CCDC9: variants seen among roughly 807,000 people sequenced by gnomAD.
The protein encoded by CCDC9 is coiled-coil domain containing 9, also known as coiled-coil domain-containing protein 9.
In CCDC9, 52 loss-of-function variants were observed where a neutral mutation model predicts 65.6. The ratio of observed to expected loss-of-function variants is 0.79; its 90% CI spans 0.63 to 1.00. The LOEUF (loss-of-function observed/expected upper bound fraction) is 1.00. Among genes scored for constraint, CCDC9 ranks in the 50% least tolerant of loss-of-function variants. The pLI, the probability that CCDC9 is intolerant of heterozygous loss-of-function variation, is 0.00. For synonymous variants in CCDC9, 332 were observed against 280.3 expected (o/e 1.18, Z -1.84); for missense variants, 834 against 757.2 (o/e 1.10, Z -1.19).
chr19:47,258,646 C>T lies in CCDC9; in HGVS notation c.91C>T (p.Leu31Phe). ...IEALRRKNEA[L>F]IRRYQEIEED... is the part of the protein sequence containing the mutation. ...GGCTCTTCGGCGGAAGAATGAGGCC[C>T]TCATCCGGCGCTACCAGGTGCCCTA... Residue 31 changes from leucine (L) to phenylalanine (F), a missense_variant, in exon 3 of 12, where the codon CTC becomes TTC. By Grantham distance (22) the Leu-to-Phe change is conservative (BLOSUM62 0). Coordinates refer to ENST00000221922, the MANE Select transcript of CCDC9 (RefSeq NM_015603.3). 3 of 1,613,926 alleles carry T rather than the reference C, an allele frequency of 1.9e-6. No homozygotes were observed. The highest frequency in any genetic ancestry group is 1.7e-6 in the Non-Finnish European group (2 of 1,179,770).
chr19:47,263,505 A>C (rs1249034600), intron 5 of CCDC9, among the ~76,000 whole-genome samples: 1 of 152,052 alleles, frequency 6.6e-6, no homozygotes, highest in African/African-American at 2.4e-5. Flanking sequence ...GAGATTCAGC[A>C]CTCCAGGTTT....
chr19:47,270,284 T>G (rs1413100033), intron 8 of CCDC9, 123 bp from the exon 9 acceptor site: 2 of 899,446 alleles, frequency 2.2e-6, no homozygotes. Context: ...CTACTTCTAG[T>G]GTCCCCTGTC....
Position 47,271,726 on chromosome 19 carries a change from TGTGTGTGCGCGCGCGCGCGCGC to T in CCDC9, c.*50_*71del, listed in dbSNP as rs780734605. The T allele has an allele frequency of 2.0e-4, 226 of 1,139,380 alleles. No homozygotes were observed. The African/African-American group carries it at 2.5e-3, about 13-fold the overall frequency. The allele number at this position is 1,139,380 out of a possible 1,614,324, so 70.6% of individuals were successfully genotyped here. A position where few individuals can be genotyped will look rare whatever the true frequency, so the allele number is the denominator to read the frequency against. On this transcript the variant is annotated 3_prime_UTR_variant, in exon 12 of 12. Coordinates refer to ENST00000221922, the MANE Select transcript of CCDC9 (RefSeq NM_015603.3). ...GTGTGTGTGTGTGTGTGTGTGTGTG[TGTGTGTGCGCGCGCGCGCGCGC>T]GCGCGCGCGCGCTAGAGGGGTGTGG...
At chr19:47,259,046 C>T (rs554807571) in intron 3 of CCDC9, among the ~76,000 whole-genome samples, 2 of 152,266 alleles carry the variant, frequency 1.3e-5, no homozygotes, top group African/African-American at 4.8e-5. Context: ...GGCTCTTGAC[C>T]CAGCCTTGGG....
Position 47,271,906 on chromosome 19 carries a change from C to T in CCDC9, c.*228C>T, listed in dbSNP as rs2059126723. Reference sequence around the variant, plus strand: ...CTGGAATGTCCACTCCCAGAGCCTGCCCCAGCCCTTCGAGCCCCCTCCCCA... The same window carrying T: ...CTGGAATGTCCACTCCCAGAGCCTGTCCCAGCCCTTCGAGCCCCCTCCCCA... On this transcript the variant is annotated 3_prime_UTR_variant, in exon 12 of 12. Coordinates refer to ENST00000221922, the MANE Select transcript of CCDC9 (RefSeq NM_015603.3). 4 of 1,310,296 alleles carry T rather than the reference C, an allele frequency of 3.1e-6. No individual in the cohort carries two copies. Among genetic ancestry groups the T allele is most frequent in the Admixed American group, 3.5e-5 (1 of 28,640 alleles). The allele number at this position is 1,310,296 out of a possible 1,614,324, so 81.2% of individuals were successfully genotyped here.
At position 47,260,422 on chromosome 19, in the gene CCDC9, G is replaced by C. The variant is rs372711525; in HGVS notation, c.210G>C (p.Ser70=). 5 of 1,608,294 alleles carry C rather than the reference G, an allele frequency of 3.1e-6. No homozygotes were observed. The African/African-American group carries it at 5.4e-5, about 17-fold the overall frequency. The part of the protein sequence containing the change: ...SVEKENVAVE[S]EKNLGPSRRS... ...AGAAGGAGAACGTGGCAGTGGAGTCGGTGAGCTCGTCACTGGGGTGTGGGA... is the reference window on the plus strand; with the variant it reads ...AGAAGGAGAACGTGGCAGTGGAGTCCGTGAGCTCGTCACTGGGGTGTGGGA... Residue 70 remains serine (S), a splice_region_variant and synonymous_variant, in exon 4 of 12, where the codon TCG becomes TCC. Transcript: ENST00000221922.
In CCDC9 at chr19:47,256,534, C is replaced by G. The variant is rs2059010108; in HGVS notation, c.-147C>G. 2.0e-5 allele frequency: 3 copies of G among 152,554 alleles called. No individual in the cohort carries two copies. Among genetic ancestry groups the G allele is most frequent in the East Asian group, 1.9e-4 (1 of 5,190 alleles). The allele number at this position is 152,554 out of a possible 1,614,324, so 9.5% of individuals were successfully genotyped here. A position where few individuals can be genotyped will look rare whatever the true frequency, so the allele number is the denominator to read the frequency against. ...CTCACGTGGTGCAGGCAGGAAGTGA[C>G]GCGCCTGGCCCGGGAGCTGCGGTCG... is the stretch of plus-strand genomic sequence containing the variant. On this transcript the variant is annotated 5_prime_UTR_variant, in exon 1 of 12. Transcript: ENST00000221922.
chr19:47,257,475 G>C (rs866216250), intron 1 of CCDC9: 7 of 150,002 alleles, frequency 4.7e-5, no homozygotes, highest in African/African-American at 1.7e-4. Flanking sequence ...GTTTTTTCCC[G>C]AGCCGTGGGC....
downstream of CCDC9, chr19:47,273,911 A>C (rs1030347903): frequency 4.8e-5 from 45 of 937,530 alleles, no homozygotes; most frequent in African/African-American, 7.6e-4. Context: ...GAAGAGGCGG[A>C]AGGAAGGGGT....
rs1263127310 is a variant in CCDC9, at chr19:47,271,681, C to T, written c.*3C>T. On this transcript the variant is annotated 3_prime_UTR_variant, in exon 12 of 12. Coordinates refer to ENST00000221922, the MANE Select transcript of CCDC9 (RefSeq NM_015603.3). ...CCTGGCCTTTTGAGAGTGTATGAAG[C>T]TGGCTGCCTGTGTGTGTGTGTGTGT... 1.3e-6 allele frequency: 2 copies of T among 1,549,724 alleles called. No individual in the cohort carries two copies. Among genetic ancestry groups the T allele is most frequent in the Non-Finnish European group, 1.7e-6 (2 of 1,147,020 alleles).
chr19:47,256,776 G>T (rs1393580989), intron 1 of CCDC9, among the ~76,000 whole-genome samples, 167 bp downstream of exon 1: 1 of 148,194 alleles, frequency 6.7e-6, no homozygotes, highest in Non-Finnish European at 1.5e-5. Context: ...CGGGCCGTTG[G>T]GTGGGTGGGC....
downstream of CCDC9, chr19:47,275,500 G>T (rs1490513683): frequency 1.8e-6 from 2 of 1,139,560 alleles, no homozygotes; most frequent in East Asian, 3.1e-5. Context: ...GGGCCCAGGG[G>T]GTGTCAGCTC....
At chr19:47,266,539 G>GA in intron 7 of CCDC9, 72 bp from the exon 8 acceptor site, 1 of 1,442,852 alleles carries the variant, frequency 6.9e-7, no homozygotes. Context: ...TGAGCAAGTG[G>GA]ATGTGCCTCG....
chr19:47,258,938 C>T (rs756311122), intron 3 of CCDC9, among the ~76,000 whole-genome samples: 4 of 152,198 alleles, frequency 2.6e-5, no homozygotes, highest in Non-Finnish European at 5.9e-5. Flanking sequence ...CCTCCAGGGT[C>T]CACCGTCTAG....
At chr19:47,273,457 C>T (rs988210210), downstream of CCDC9, 48 of 1,142,648 alleles carry the variant, frequency 4.2e-5, 1 homozygote, top group Admixed American at 1.9e-3. Context: ...GGGCCGCTCG[C>T]TGACCGCGCC....
chr19:47,272,211 C>A, downstream of CCDC9: 1 of 1,184,422 alleles, frequency 8.4e-7, no homozygotes, highest in Non-Finnish European at 1.1e-6. Flanking sequence ...TCCTCTTTCT[C>A]TGGGGCTGAG....
At chr19:47,256,910 C>T (rs1321261948) in intron 1 of CCDC9, among the ~76,000 whole-genome samples, 1 of 151,072 alleles carries the variant, frequency 6.6e-6, no homozygotes, top group Admixed American at 6.6e-5. Flanking sequence ...GGCTCGGACG[C>T]CGGGCGGAAG....
chr19:47,264,722 C>T (rs771710800), intron 6 of CCDC9, 36 bp downstream of exon 6: 1 of 1,602,034 alleles, frequency 6.2e-7, no homozygotes, highest in South Asian at 1.1e-5. Flanking sequence ...CAGGGCCGAG[C>T]TGCCTGGGCT....
At position 47,260,821 on chromosome 19, in the gene CCDC9, C is replaced by G. The variant is rs765985704; in HGVS notation, c.444C>G (p.Ile148Met). The change falls in exon 5 of 12, where the codon ATC (isoleucine) becomes ATG (methionine). Residue 148 changes from isoleucine to methionine, a missense_variant. Physicochemically the swap from Ile to Met is conservative, Grantham distance 10. Transcript: ENST00000221922. ...PHLSGAGDTS[I>M]SDRKSKEWEE... ...TCTCTGGAGCTGGAGACACCTCAAT[C>G]TCTGACCGTAAATCCAAGGTAGGAG... 3.7e-6 allele frequency: 6 copies of G among 1,612,904 alleles called. No individual in the cohort carries two copies. The highest frequency in any genetic ancestry group is 1.7e-5 in the Admixed American group (1 of 59,656).
Sources: gnomAD v4.1 joint callset for allele counts (sites outside exome capture counted in the v4.1 genomes callset) on GRCh38, gnomAD v4.1.1 for gene constraint, MANE v1.5 for transcripts, NCBI Gene and HGNC (gene_info 2026-07-23, HGNC 2026-07-21) for gene names.